The following ELOVL2 variants were observed in gnomAD, a reference collection of about 807,000 sequenced individuals.
ELOVL2 encodes very long chain fatty acid elongase 2.
Under a neutral mutation model 37.7 loss-of-function variants are expected in ELOVL2, and 38 were observed. The ratio of observed to expected loss-of-function variants is 1.01; its 90% CI spans 0.78 to 1.32. ELOVL2 has a LOEUF of 1.32. Among genes scored for constraint, ELOVL2 ranks in the 40% most tolerant of loss-of-function variants. The pLI, the probability that ELOVL2 is intolerant of heterozygous loss-of-function variation, is 0.00. For missense variants in ELOVL2, 352 were observed against 363.6 expected, an observed-to-expected ratio of 0.97 and a Z score of 0.26; for synonymous variants, 115 against 122.3, an observed-to-expected ratio of 0.94 and a Z score of 0.40.
chr6:11,017,595 C>T (rs1000284715), intron 1 of ELOVL2, among the ~76,000 whole-genome samples: 5 of 152,218 alleles, frequency 3.3e-5, no homozygotes, highest in East Asian at 3.9e-4. Flanking sequence ...ACTTCCCACA[C>T]ATGGCTCTTG....
At chr6:11,041,653 C>G (rs990588876) in intron 1 of ELOVL2, among the ~76,000 whole-genome samples, 7 of 152,086 alleles carry the variant, frequency 4.6e-5, no homozygotes, top group Non-Finnish European at 8.8e-5. Flanking sequence ...CCTTTAATTT[C>G]TACTACCTAC....
chr6:11,043,150 A>G (rs1201576809), intron 1 of ELOVL2, among the ~76,000 whole-genome samples: 1 of 152,188 alleles, frequency 6.6e-6, no homozygotes, highest in Non-Finnish European at 1.5e-5. Flanking sequence ...CTAAAAGGGT[A>G]GCCAGAGCAA....
intron 3 of ELOVL2, among the ~76,000 whole-genome samples, chr6:11,001,152 G>A (rs1046656735): frequency 2.0e-5 from 3 of 152,192 alleles, no homozygotes; most frequent in Admixed American, 2.0e-4. Flanking sequence ...GGGTTTGGAT[G>A]TTAATTAATT....
chr6:11,017,262 G>A (rs564737645), intron 1 of ELOVL2, among the ~76,000 whole-genome samples: 1 of 152,292 alleles, frequency 6.6e-6, no homozygotes, highest in African/African-American at 2.4e-5. Flanking sequence ...AACCTTGCAA[G>A]TTGGGTATCT....
intron 4 of ELOVL2, among the ~76,000 whole-genome samples, chr6:10,999,770 G>C (rs1377392899): frequency 6.6e-6 from 1 of 152,106 alleles, no homozygotes; most frequent in Non-Finnish European, 1.5e-5. Context: ...TGCACAAAGG[G>C]TGCTATCCTA....
At chr6:11,008,505 A>G (rs1277912354) in intron 2 of ELOVL2, among the ~76,000 whole-genome samples, 1 of 152,000 alleles carries the variant, frequency 6.6e-6, no homozygotes, top group Non-Finnish European at 1.5e-5. Context: ...CGGGGCCTGC[A>G]TGCCTAACTA....
At chr6:11,025,022 C>G (rs1025270749) in intron 1 of ELOVL2, among the ~76,000 whole-genome samples, 3 of 152,168 alleles carry the variant, frequency 2.0e-5, no homozygotes, top group Non-Finnish European at 4.4e-5. Flanking sequence ...ATTTCAGTGG[C>G]CTTGTTAAAC....
intron 2 of ELOVL2, among the ~76,000 whole-genome samples, chr6:11,008,240 T>C (rs1011048977): frequency 6.6e-6 from 1 of 152,224 alleles, no homozygotes; most frequent in African/African-American, 2.4e-5. Context: ...CAACTGTCAA[T>C]TTTACAATCT....
At position 10,983,939 on chromosome 6, in the gene ELOVL2, A is replaced by G. The variant is rs762371530; in HGVS notation, c.766-33T>C. 36 of 1,576,294 alleles carry G rather than the reference A, an allele frequency of 2.3e-5. No homozygotes were observed. The East Asian group carries it at 8.1e-4, about 35-fold the overall frequency. On this transcript the variant is annotated intron_variant, in intron 7 of 7. Transcript: ENST00000354666. Reference sequence around the variant, plus strand: ...ATGTGTATATTTTGAAGAGAAAAATAAAAAGGTTATTTAATAAGACCTTGT... The same window carrying G: ...ATGTGTATATTTTGAAGAGAAAAATGAAAAGGTTATTTAATAAGACCTTGT...
At chr6:11,000,239 A>C (rs1581865662) in intron 3 of ELOVL2, 75 bp from the exon 4 acceptor site, 1 of 1,357,596 alleles carries the variant, frequency 7.4e-7, no homozygotes, top group East Asian at 2.3e-5. Flanking sequence ...TTTCCCATTC[A>C]TGTCTCTGGC....
In ELOVL2 at chr6:11,005,360, A is replaced by G. The variant is rs775047875; in HGVS notation, c.255+12T>C. 2 of 1,607,504 alleles carry G rather than the reference A, an allele frequency of 1.2e-6. No homozygotes were observed. The highest frequency in any genetic ancestry group is 1.7e-5 in the Admixed American group (1 of 59,146). On this transcript the variant is annotated intron_variant, in intron 3 of 7. Transcript: ENST00000354666. ...GTTACTGGACTTCAGCTTTGGCTAC[A>G]TAAACACTTACCTCTGCCAGCATGT...
At chr6:11,017,383 T>C (rs1342518032) in intron 1 of ELOVL2, among the ~76,000 whole-genome samples, 3 of 152,204 alleles carry the variant, frequency 2.0e-5, no homozygotes, top group South Asian at 2.1e-4. Context: ...CTGAAGGGTT[T>C]CAGAGCTTGG....
At chr6:11,002,744 T>C (rs1198724799) in intron 3 of ELOVL2, among the ~76,000 whole-genome samples, 1 of 152,236 alleles carries the variant, frequency 6.6e-6, no homozygotes, top group African/African-American at 2.4e-5. Context: ...ACTAGCACTT[T>C]ACAATTCACA....
chr6:11,021,439 C>CT (rs1346919455), intron 1 of ELOVL2, among the ~76,000 whole-genome samples: 1 of 152,178 alleles, frequency 6.6e-6, no homozygotes, highest in African/African-American at 2.4e-5. Flanking sequence ...CTTTTGACCT[C>CT]TTTTTCCTTT....
At chr6:11,028,783 C>T (rs946749464) in intron 1 of ELOVL2, among the ~76,000 whole-genome samples, 1 of 151,898 alleles carries the variant, frequency 6.6e-6, no homozygotes. Flanking sequence ...ATCCTATTAT[C>T]TCACTATTAC....
chr6:10,995,170 C>T lies in ELOVL2; in HGVS notation c.342G>A (p.Lys114=), dbSNP rs147119821. 1.2e-6 allele frequency: 2 copies of T among 1,603,026 alleles called. No homozygotes were observed. Among genetic ancestry groups the T allele is most frequent in the African/African-American group, 2.7e-5 (2 of 74,232 alleles). ...TGGAGAAATAGTACCACCAAAGCAC[C>T]TTGGCTACCTATAGAAATTTGTAAA... The part of the protein sequence containing the change: ...SAGEADIRVA[K]VLWWYYFSKS... The change falls in exon 5 of 8, where the codon AAG becomes AAA. Residue 114 remains lysine, a synonymous_variant. Coordinates refer to ENST00000354666, the MANE Select transcript of ELOVL2 (RefSeq NM_017770.4).
chr6:11,036,988 ACAGAGGAGG>A (rs1783015841), intron 1 of ELOVL2, among the ~76,000 whole-genome samples: 1 of 151,090 alleles, frequency 6.6e-6, no homozygotes. Flanking sequence ...GGAGAGAGAG[ACAGAGGAGG>A]CAGAGAGGGA....
chr6:10,986,810 C>CT, intron 7 of ELOVL2, among the ~76,000 whole-genome samples: 1 of 152,182 alleles, frequency 6.6e-6, no homozygotes, highest in East Asian at 1.9e-4. Context: ...CTAAAATTCT[C>CT]TTTTTTGGTT....
At chr6:11,014,888 T>A (rs946454059) in intron 1 of ELOVL2, among the ~76,000 whole-genome samples, 5 of 152,182 alleles carry the variant, frequency 3.3e-5, no homozygotes, top group African/African-American at 1.2e-4. Flanking sequence ...GTAATTTGAA[T>A]AAAGGTTTTC....
Sources: gnomAD v4.1 joint callset for allele counts (sites outside exome capture counted in the v4.1 genomes callset) on GRCh38, gnomAD v4.1.1 for gene constraint, MANE v1.5 for transcripts, NCBI Gene and HGNC (gene_info 2026-07-23, HGNC 2026-07-21) for gene names.